TMEFF2: variants seen among roughly 807,000 people sequenced by gnomAD.
The protein encoded by TMEFF2 is transmembrane protein with EGF like and two follistatin like domains 2, also known as tomoregulin-2.
A neutral mutation model predicts 53.8 loss-of-function variants in TMEFF2; 28 were observed. That is an observed-to-expected ratio of 0.52 (90% CI 0.39 to 0.71). The LOEUF is 0.71. Ranked by LOEUF, TMEFF2 falls within the 30% of genes least tolerant of loss-of-function variation. TMEFF2 has a pLI of 0.00. For missense variants in TMEFF2, 353 were observed against 455.2 expected (o/e 0.78, Z 2.04); for synonymous variants, 162 against 166.3 (o/e 0.97, Z 0.20).
chr2:192,054,892 A>G (rs1267017628), intron 5 of TMEFF2, among the ~76,000 whole-genome samples: 2 of 152,160 alleles, frequency 1.3e-5, no homozygotes, highest in Non-Finnish European at 1.5e-5. Context: ...AAGATAGCTG[A>G]GAAAAAAAAA....
intron 4 of TMEFF2, among the ~76,000 whole-genome samples, chr2:192,094,355 A>T (rs1211727432): frequency 6.6e-6 from 1 of 152,104 alleles, no homozygotes; most frequent in African/African-American, 2.4e-5. Context: ...CTTGTATTCC[A>T]CGTGATGTAC....
chr2:192,074,432 A>G (rs1688359901), intron 4 of TMEFF2, among the ~76,000 whole-genome samples: 1 of 151,822 alleles, frequency 6.6e-6, no homozygotes. Flanking sequence ...TATTCTATAA[A>G]TATTTATTGA....
intron 7 of TMEFF2, among the ~76,000 whole-genome samples, chr2:191,960,244 C>G (rs561836471): frequency 6.6e-6 from 1 of 152,232 alleles, no homozygotes; most frequent in East Asian, 1.9e-4. Flanking sequence ...ATAGATGCAC[C>G]AGGTTATTAG....
At chr2:191,973,129 A>G (rs528443645) in intron 7 of TMEFF2, among the ~76,000 whole-genome samples, 1 of 152,320 alleles carries the variant, frequency 6.6e-6, no homozygotes, top group African/African-American at 2.4e-5. Flanking sequence ...ACTATGCAGA[A>G]ACATCAGTGA....
chr2:192,129,310 GTTATT>G (rs769403049), intron 4 of TMEFF2, among the ~76,000 whole-genome samples: 21 of 151,142 alleles, frequency 1.4e-4, no homozygotes, highest in African/African-American at 4.6e-4. Context: ...TAACCCACGG[GTTATT>G]TTATAAGAGT....
intron 5 of TMEFF2, among the ~76,000 whole-genome samples, chr2:192,016,246 G>A (rs1036207477): frequency 3.7e-4 from 56 of 152,086 alleles, no homozygotes; most frequent in African/African-American, 1.3e-3. Flanking sequence ...GAGCTGAATG[G>A]GATGATTTTC....
intron 4 of TMEFF2, among the ~76,000 whole-genome samples, chr2:192,163,930 G>C (rs961170068): frequency 6.6e-6 from 1 of 152,090 alleles, no homozygotes; most frequent in East Asian, 1.9e-4. Context: ...AAATAATGAG[G>C]ATAGACATGG....
intron 4 of TMEFF2, among the ~76,000 whole-genome samples, chr2:192,157,146 A>G (rs904418668): frequency 2.0e-5 from 3 of 152,072 alleles, no homozygotes; most frequent in African/African-American, 7.2e-5. Context: ...GGGACAGTTT[A>G]ACGAAAACTT....
chr2:191,996,198 C>T (rs1208929017), intron 7 of TMEFF2, among the ~76,000 whole-genome samples: 1 of 151,830 alleles, frequency 6.6e-6, no homozygotes, highest in African/African-American at 2.4e-5. Flanking sequence ...TAGAATCTCT[C>T]ATGATATTTA....
rs147329314 is a variant in TMEFF2, at chr2:192,123,209, G to T, written c.439+56459C>A. On this transcript the variant is annotated intron_variant, in intron 4 of 9. Coordinates refer to ENST00000272771, the MANE Select transcript of TMEFF2 (RefSeq NM_016192.4). ...GAAGTAAAAGGATCTACTCTTCAGT[G>T]TATTTACTGGGGTGATATTTATGAT... Among the ~76,000 whole-genome samples the T allele has an allele frequency of 2.4e-3, 359 of 152,252 alleles. 1 individual carries two copies. The highest frequency in any genetic ancestry group is 8.1e-3 in the African/African-American group (335 of 41,552).
At chr2:191,973,861 C>T (rs958253596) in intron 7 of TMEFF2, among the ~76,000 whole-genome samples, 1 of 152,100 alleles carries the variant, frequency 6.6e-6, no homozygotes, top group Non-Finnish European at 1.5e-5. Flanking sequence ...TTTTTCCCCA[C>T]CTTCACTCTG....
intron 5 of TMEFF2, among the ~76,000 whole-genome samples, chr2:192,054,667 A>T (rs1415359296): frequency 6.6e-6 from 1 of 152,126 alleles, no homozygotes; most frequent in Non-Finnish European, 1.5e-5. Flanking sequence ...AGTCACTGCA[A>T]ATATGCTGCC....
At chr2:192,007,565 G>A (rs1686528439) in intron 5 of TMEFF2, among the ~76,000 whole-genome samples, 1 of 152,166 alleles carries the variant, frequency 6.6e-6, no homozygotes, top group African/African-American at 2.4e-5. Context: ...TGATTAGAAT[G>A]AACTCTTCCC....
At chr2:191,996,664 T>A (rs1442803264) in intron 7 of TMEFF2, among the ~76,000 whole-genome samples, 1 of 151,772 alleles carries the variant, frequency 6.6e-6, no homozygotes, top group East Asian at 1.9e-4. Flanking sequence ...CAAACAATTT[T>A]GTTAAAAGCT....
chr2:192,145,157 A>G (rs1392876059), intron 4 of TMEFF2, among the ~76,000 whole-genome samples: 2 of 152,002 alleles, frequency 1.3e-5, no homozygotes, highest in Non-Finnish European at 2.9e-5. Context: ...ATCTTACATT[A>G]TTAATTACTT....
intron 4 of TMEFF2, among the ~76,000 whole-genome samples, chr2:192,115,648 AC>A (rs1456526570): frequency 6.6e-6 from 1 of 151,954 alleles, no homozygotes; most frequent in Non-Finnish European, 1.5e-5. Flanking sequence ...AAAATCAAAA[AC>A]AAACCCCCCA....
At chr2:192,064,239 C>T (rs1029250566) in intron 4 of TMEFF2, among the ~76,000 whole-genome samples, 6 of 151,672 alleles carry the variant, frequency 4.0e-5, no homozygotes, top group African/African-American at 1.2e-4. Flanking sequence ...CAATATGTAT[C>T]TTTAAATTAT....
rs1028880043 is a variant in TMEFF2 at position 192,004,636 on chromosome 2, G to A, written c.537-5428C>T. The stretch of plus-strand genomic sequence containing the variant: ...TCTCTAAATAAATAATTAAAAATAC[G>A]TTTTGAAGATTAAAAAAGAAAAAGA... On this transcript the variant is annotated intron_variant, in intron 5 of 9. Transcript: ENST00000272771. Among the ~76,000 whole-genome samples, 7 of 152,022 alleles carry A rather than the reference G, an allele frequency of 4.6e-5. 1 individual carries two copies. Among genetic ancestry groups the A allele is most frequent in the Middle Eastern group, 6.8e-3 (2 of 294 alleles).
At chr2:192,077,431 G>A (rs141016138) in intron 4 of TMEFF2, among the ~76,000 whole-genome samples, 20 of 152,242 alleles carry the variant, frequency 1.3e-4, no homozygotes, top group South Asian at 1.0e-3. Flanking sequence ...GTGATCATCC[G>A]TAAAATCTAC....
Sources: gnomAD v4.1 joint callset for allele counts (sites outside exome capture counted in the v4.1 genomes callset) on GRCh38, gnomAD v4.1.1 for gene constraint, MANE v1.5 for transcripts, NCBI Gene and HGNC (gene_info 2026-07-23, HGNC 2026-07-21) for gene names.